Variants in STK33 observed in about 807,000 individuals in gnomAD.
STK33 encodes serine/threonine-protein kinase 33.
STK33 carries 52 observed loss-of-function variants against 58.0 expected under a neutral mutation model. The observed-to-expected ratio is 0.90, with a 90% confidence interval of 0.72 to 1.13. The LOEUF (loss-of-function observed/expected upper bound fraction) is 1.13. Ranked by LOEUF, STK33 falls within the 50% of genes most tolerant of loss-of-function variation. The pLI, the probability that STK33 is intolerant of heterozygous loss-of-function variation, is 0.00. For missense variants in STK33, 630 were observed against 604.2 expected (o/e 1.04, Z -0.45); for synonymous variants, 215 against 200.1 (o/e 1.07, Z -0.63).
the STK33 span, among the ~76,000 whole-genome samples, chr11:8,379,404 GAACT>G: frequency 6.6e-6 from 1 of 151,878 alleles, no homozygotes; most frequent in Non-Finnish European, 1.5e-5. Flanking sequence ...ATCAAACGAA[GAACT>G]AATATCTAGA....
chr11:8,457,778 G>T (rs891611405), intron 8 of STK33, among the ~76,000 whole-genome samples: 1 of 152,210 alleles, frequency 6.6e-6, no homozygotes, highest in East Asian at 1.9e-4. Context: ...AATGCCCCTT[G>T]AGAAGAAATA....
chr11:8,437,424 T>A (rs1944211994), intron 12 of STK33, among the ~76,000 whole-genome samples: 1 of 152,198 alleles, frequency 6.6e-6, no homozygotes, highest in Non-Finnish European at 1.5e-5. Flanking sequence ...ATCCTATAGA[T>A]AACAACCAGA....
intron 2 of STK33, among the ~76,000 whole-genome samples, chr11:8,478,154 T>C (rs192821222): frequency 8.0e-6 from 1 of 125,388 alleles, no homozygotes; most frequent in Non-Finnish European, 1.5e-5. Context: ...CTAAAACAAA[T>C]CTACTATTTC....
chr11:8,423,625 C>T (rs192956070), intron 14 of STK33, among the ~76,000 whole-genome samples: 57 of 152,166 alleles, frequency 3.7e-4, no homozygotes, highest in African/African-American at 1.2e-3. Context: ...CCTTGCTTCA[C>T]GGCCTAGGAC....
intron 1 of STK33, among the ~76,000 whole-genome samples, chr11:8,550,270 G>A (rs1006487829): frequency 6.6e-6 from 1 of 152,074 alleles, no homozygotes; most frequent in Non-Finnish European, 1.5e-5. Flanking sequence ...GTTTCAGGGT[G>A]ATCTTTTGTA....
intron 6 of STK33, among the ~76,000 whole-genome samples, chr11:8,468,893 T>C (rs538412410): frequency 7.9e-4 from 121 of 152,334 alleles, no homozygotes; most frequent in African/African-American, 2.8e-3. Flanking sequence ...GTTTACACTA[T>C]ATTATAATCT....
chr11:8,364,462 C>T, the STK33 span, among the ~76,000 whole-genome samples: 1 of 152,192 alleles, frequency 6.6e-6, no homozygotes. Flanking sequence ...GTCCAATCAC[C>T]AACGGCCTTA....
At chr11:8,579,780 A>G (rs974148619) in intron 1 of STK33, among the ~76,000 whole-genome samples, 11 of 152,088 alleles carry the variant, frequency 7.2e-5, no homozygotes, top group Admixed American at 2.6e-4. Context: ...TTTACATCTA[A>G]TAATCTGATT....
intron 8 of STK33, among the ~76,000 whole-genome samples, chr11:8,461,198 C>T (rs750256682): frequency 1.3e-5 from 2 of 152,128 alleles, no homozygotes; most frequent in Non-Finnish European, 1.5e-5. Flanking sequence ...ACGCCTAATC[C>T]GTACATTATT....
intron 1 of STK33, among the ~76,000 whole-genome samples, chr11:8,579,074 C>G (rs1399210993): frequency 6.6e-6 from 1 of 151,872 alleles, no homozygotes; most frequent in East Asian, 1.9e-4. Context: ...ATTCCTTTTT[C>G]TTTTTTCTTA....
At chr11:8,399,456 G>A (rs561113486) in intron 15 of STK33, among the ~76,000 whole-genome samples, 309 of 152,256 alleles carry the variant, frequency 2.0e-3, no homozygotes, top group Admixed American at 5.0e-3. Context: ...TCTCTGGGAC[G>A]CATTCAAAGC....
rs986676693 is a variant in STK33 at position 8,535,688 on chromosome 11, A to C, written c.-465-55074T>G. 4.6e-5 allele frequency among the ~76,000 whole-genome samples: 7 copies of C among 152,300 alleles called. No individual in the cohort carries two copies. The South Asian group carries it at 1.5e-3, about 32-fold the overall frequency. ...AAAGCAGTATGAAGATTTCTCAAAAACTAAAACTAAAAAAGAATTACTATC... is the reference window on the plus strand; with the variant it reads ...AAAGCAGTATGAAGATTTCTCAAAACCTAAAACTAAAAAAGAATTACTATC... On this transcript the variant is annotated intron_variant, in intron 1 of 15. Coordinates refer to ENST00000687296, the MANE Select transcript of STK33 (RefSeq NM_001352389.2).
At chr11:8,402,293 T>G (rs1216868451) in intron 15 of STK33, among the ~76,000 whole-genome samples, 1 of 152,084 alleles carries the variant, frequency 6.6e-6, no homozygotes, top group Admixed American at 6.5e-5. Context: ...GCCATAAAAA[T>G]GATGAGTTCA....
At chr11:8,582,626 G>A (rs74900039) in intron 1 of STK33, among the ~76,000 whole-genome samples, 2 of 152,196 alleles carry the variant, frequency 1.3e-5, no homozygotes, top group Non-Finnish European at 1.5e-5. Context: ...CCCTTGATAC[G>A]TGGGGATTAT....
chr11:8,402,431 C>T (rs1449920178), intron 15 of STK33, among the ~76,000 whole-genome samples: 3 of 152,006 alleles, frequency 2.0e-5, no homozygotes, highest in Non-Finnish European at 4.4e-5. Flanking sequence ...CAGATGGACA[C>T]AGGAAGGGGA....
At chr11:8,381,589 C>A in the STK33 span, among the ~76,000 whole-genome samples, 1 of 152,116 alleles carries the variant, frequency 6.6e-6, no homozygotes, top group Non-Finnish European at 1.5e-5. Flanking sequence ...CACCTAGCAC[C>A]CAGCACCCCA....
At chr11:8,493,117 T>A (rs879098625) in intron 1 of STK33, among the ~76,000 whole-genome samples, 1 of 151,360 alleles carries the variant, frequency 6.6e-6, no homozygotes, top group Non-Finnish European at 1.5e-5. Context: ...CTGAAGGAGA[T>A]AGAGACACAA....
intron 1 of STK33, among the ~76,000 whole-genome samples, chr11:8,527,160 C>T (rs565081090): frequency 1.3e-3 from 196 of 151,930 alleles, no homozygotes; most frequent in Middle Eastern, 3.4e-3. Context: ...TTCATAGGAA[C>T]GGACGGGTTT....
At chr11:8,523,743 G>C (rs903292585) in intron 1 of STK33, among the ~76,000 whole-genome samples, 1 of 151,740 alleles carries the variant, frequency 6.6e-6, no homozygotes, top group Non-Finnish European at 1.5e-5. Flanking sequence ...TGGGAGGTGG[G>C]GGGCGCCTCT....
Sources: allele counts gnomAD v4.1 joint callset (sites outside exome capture counted in the v4.1 genomes callset), GRCh38; gene constraint gnomAD v4.1.1; transcripts MANE v1.5; gene names NCBI Gene and HGNC (gene_info 2026-07-23, HGNC 2026-07-21).